MTX2: variants seen among roughly 807,000 people sequenced by gnomAD.
The protein encoded by MTX2 is metaxin-2.
MTX2 carries 35 observed loss-of-function variants against 42.3 expected under a neutral mutation model. That is an observed-to-expected ratio of 0.83 (90% CI 0.63 to 1.10). MTX2 has a LOEUF of 1.10. MTX2 is among the 50% of genes least tolerant of loss of function. MTX2 has a pLI of 0.00. For missense variants in MTX2, 307 were observed against 304.1 expected, an observed-to-expected ratio of 1.01 and a Z score of -0.07; for synonymous variants, 119 against 100.9, an observed-to-expected ratio of 1.18 and a Z score of -1.08.
At chr2:176,320,440 A>G (rs1327781952) in intron 3 of MTX2, among the ~76,000 whole-genome samples, 1 of 152,146 alleles carries the variant, frequency 6.6e-6, no homozygotes, top group Non-Finnish European at 1.5e-5. Flanking sequence ...TTGAGAAGAT[A>G]TATTAAACAG....
chr2:176,271,755 G>A (rs1156447442), intron 1 of MTX2, among the ~76,000 whole-genome samples: 1 of 151,990 alleles, frequency 6.6e-6, no homozygotes, highest in African/African-American at 2.4e-5. Context: ...TACTTATGGG[G>A]GTTTATCTGA....
At chr2:176,326,359 A>G (rs1684705077) in intron 4 of MTX2, among the ~76,000 whole-genome samples, 1 of 151,686 alleles carries the variant, frequency 6.6e-6, no homozygotes, top group African/African-American at 2.4e-5. Context: ...GTTGATCTCA[A>G]TGGGTATCAA....
intron 3 of MTX2, among the ~76,000 whole-genome samples, chr2:176,308,200 T>G (rs1684202776): frequency 1.3e-5 from 2 of 152,214 alleles, no homozygotes; most frequent in African/African-American, 4.8e-5. Context: ...ATGGATTACC[T>G]TTATTGATTT....
intron 1 of MTX2, among the ~76,000 whole-genome samples, chr2:176,279,071 T>G (rs1693019045): frequency 6.6e-6 from 1 of 152,224 alleles, no homozygotes; most frequent in South Asian, 2.1e-4. Flanking sequence ...GTTGGCAAAA[T>G]AGAAACCATA....
rs192821366 is a variant in MTX2, at chr2:176,306,809, C to T, written c.135+8914C>T. 3.8e-3 allele frequency among the ~76,000 whole-genome samples: 575 copies of T among 151,892 alleles called. 7 individuals are homozygous for T. Among genetic ancestry groups the T allele is most frequent in the East Asian group, 0.035 (183 of 5,162 alleles). On this transcript the variant is annotated intron_variant, in intron 3 of 9. Coordinates refer to ENST00000249442, the MANE Select transcript of MTX2 (RefSeq NM_006554.5). ...TTCTTTGTAGATTCTGGATATTAGC[C>T]CTTTGTCGGATGGGTAGTTTGCAAA...
At chr2:176,323,222 CA>C (rs1339386391) in intron 3 of MTX2, among the ~76,000 whole-genome samples, 169 bp from the exon 4 acceptor site, 1 of 151,790 alleles carries the variant, frequency 6.6e-6, no homozygotes, top group Non-Finnish European at 1.5e-5. Flanking sequence ...TAAGTAGTGA[CA>C]TGACATTTTT....
chr2:176,307,098 A>C (rs1428209621), intron 3 of MTX2, among the ~76,000 whole-genome samples: 2 of 152,212 alleles, frequency 1.3e-5, no homozygotes, highest in East Asian at 3.9e-4. Context: ...GGTGTAAGGA[A>C]GGGATCCAGT....
At chr2:176,285,838 A>C (rs145272825) in intron 1 of MTX2, among the ~76,000 whole-genome samples, 2 of 152,238 alleles carry the variant, frequency 1.3e-5, no homozygotes, top group Non-Finnish European at 2.9e-5. Context: ...TAATGCTGCT[A>C]TGAACATTTG....
At chr2:176,301,855 A>G (rs1274404993) in intron 3 of MTX2, among the ~76,000 whole-genome samples, 2 of 152,138 alleles carry the variant, frequency 1.3e-5, no homozygotes, top group South Asian at 2.1e-4. Context: ...TACCTCTATA[A>G]TATTATGAAG....
chr2:176,291,794 A>G (rs1260823500), intron 1 of MTX2, among the ~76,000 whole-genome samples: 1 of 152,122 alleles, frequency 6.6e-6, no homozygotes, highest in Non-Finnish European at 1.5e-5. Flanking sequence ...CTGAGATGTG[A>G]CAATACCATA....
chr2:176,307,931 CTG>C (rs1410153990), intron 3 of MTX2, among the ~76,000 whole-genome samples: 2 of 152,240 alleles, frequency 1.3e-5, no homozygotes, highest in East Asian at 3.9e-4. Flanking sequence ...ACTTCTAACA[CTG>C]TGTTCAATAG....
At chr2:176,330,066 T>A (rs76565806) in intron 8 of MTX2, among the ~76,000 whole-genome samples, 143 of 151,256 alleles carry the variant, frequency 9.5e-4, no homozygotes, top group Admixed American at 1.7e-3. Flanking sequence ...TGCCATTGGC[T>A]ACAAGGGGGT....
chr2:176,337,336 T>C (rs546169048), intron 9 of MTX2, among the ~76,000 whole-genome samples, 157 bp from the exon 10 acceptor site: 52 of 152,262 alleles, frequency 3.4e-4, no homozygotes, highest in African/African-American at 1.2e-3. Context: ...GCCACCATGC[T>C]TGGCCTATAT....
At chr2:176,336,386 G>T (rs1483934785) in intron 9 of MTX2, among the ~76,000 whole-genome samples, 1 of 152,072 alleles carries the variant, frequency 6.6e-6, no homozygotes, top group Non-Finnish European at 1.5e-5. Context: ...TACTTTAAAT[G>T]TGGTAAAATT....
intron 3 of MTX2, among the ~76,000 whole-genome samples, chr2:176,303,569 TA>T (rs1684076468): frequency 6.6e-6 from 1 of 152,134 alleles, no homozygotes; most frequent in South Asian, 2.1e-4. Flanking sequence ...TTTATGCTCA[TA>T]AGACCTTGGA....
intron 2 of MTX2, 84 bp downstream of exon 2, chr2:176,296,991 A>G (rs771351728): frequency 1.2e-4 from 167 of 1,341,350 alleles, no homozygotes; most frequent in Middle Eastern, 6.0e-4. Context: ...ATTTACTGCA[A>G]AGAGAATATA....
At chr2:176,275,588 TA>T (rs1692928193) in intron 1 of MTX2, among the ~76,000 whole-genome samples, 1 of 152,206 alleles carries the variant, frequency 6.6e-6, no homozygotes. Context: ...AAAAATAGTT[TA>T]AAAATATTTT....
At chr2:176,272,676 A>AT (rs1375254848) in intron 1 of MTX2, among the ~76,000 whole-genome samples, 2 of 152,044 alleles carry the variant, frequency 1.3e-5, no homozygotes, top group Non-Finnish European at 2.9e-5. Context: ...AATAATATCT[A>AT]TTTTGTATGA....
chr2:176,289,667 G>T (rs1693285459), intron 1 of MTX2, among the ~76,000 whole-genome samples: 1 of 151,950 alleles, frequency 6.6e-6, no homozygotes, highest in African/African-American at 2.4e-5. Flanking sequence ...ATTTTAAAGG[G>T]TGAATTAATG....
Sources: allele counts gnomAD v4.1 joint callset (sites outside exome capture counted in the v4.1 genomes callset), GRCh38; gene constraint gnomAD v4.1.1; transcripts MANE v1.5; gene names NCBI Gene and HGNC (gene_info 2026-07-23, HGNC 2026-07-21).